The following TPD52L2 variants were observed in gnomAD, a reference collection of about 807,000 sequenced individuals.
The protein encoded by TPD52L2 is TPD52 like 2.
TPD52L2 carries 19 observed loss-of-function variants against 24.7 expected under a neutral mutation model. The ratio of observed to expected loss-of-function variants is 0.77; its 90% CI spans 0.54 to 1.13. The LOEUF (loss-of-function observed/expected upper bound fraction) is 1.13, where lower values mean the gene tolerates loss of function less well. TPD52L2 is among the 50% of genes most tolerant of loss of function. The probability of loss-of-function intolerance (pLI) is 0.00; values close to 1 mark genes in which losing one functional copy is unlikely to be tolerated. For missense variants in TPD52L2, 236 were observed against 250.4 expected (o/e 0.94, Z 0.39); for synonymous variants, 104 against 100.2 (o/e 1.04, Z -0.23).
chr20:63,877,201 A>T lies in TPD52L2; in HGVS notation c.374+1326A>T. ...CCACCACGCCCGGCTAATTTTTTCT[A>T]TTTTTAGTAGAGACAGGATTTCACC... On this transcript the variant is annotated intron_variant, in intron 4 of 6. Transcript: ENST00000346249. This position sits in a 1 kb window ranked among gnomAD's most constrained non-coding sequence, Gnocchi z 4.1. 1 of 344,982 alleles carries T rather than the reference A, an allele frequency of 2.9e-6. No individual in the cohort carries two copies. The highest frequency in any genetic ancestry group is 5.7e-6 in the Non-Finnish European group (1 of 176,776). The allele number at this position is 344,982 out of a possible 1,614,324, so 21.4% of individuals were successfully genotyped here. A position where few individuals can be genotyped will look rare whatever the true frequency, so the allele number is the denominator to read the frequency against.
chr20:63,873,712 G>A lies in TPD52L2; in HGVS notation c.210G>A (p.Lys70=), dbSNP rs1298525250. ...IVTLRQVLAA[K]ERHCGELKRR... is the part of the protein sequence containing the mutation. ...CTCTGCGCCAGGTCCTGGCAGCCAA[G>A]GAGAGGCACTGTGGAGAGCTCAAGA... The change falls in exon 3 of 7, where the codon AAG becomes AAA. Residue 70 remains lysine (K), a synonymous_variant. Coordinates refer to ENST00000346249, the MANE Select transcript of TPD52L2 (RefSeq NM_003288.4). 6.2e-7 allele frequency: 1 copy of A among 1,609,496 alleles called. No homozygotes were observed. Among genetic ancestry groups the A allele is most frequent in the East Asian group, 2.2e-5 (1 of 44,740 alleles).
intron 1 of TPD52L2, 95 bp from the exon 2 acceptor site, chr20:63,869,201 C>CTCCCACCTGTGCTTTTG: frequency 6.9e-7 from 1 of 1,455,988 alleles, no homozygotes. Flanking sequence ...GTCTCACCCA[C>CTCCCACCTGTGCTTTTG]TCCCACCTGT....
At chr20:63,876,812 C>T (rs1180659475) in intron 4 of TPD52L2, 18 of 453,874 alleles carry the variant, frequency 4.0e-5, no homozygotes, top group Admixed American at 9.5e-5. Context: ...CATGTTGCCC[C>T]GGGTATTCCA....
At chr20:63,887,902 G>A (rs1568963148) in intron 5 of TPD52L2, 3 of 500,988 alleles carry the variant, frequency 6.0e-6, no homozygotes, top group South Asian at 4.4e-5. Flanking sequence ...GGTGGGGTTC[G>A]AGGGGCTCGC....
chr20:63,869,520 C>A, intron 2 of TPD52L2, 79 bp downstream of exon 2: 1 of 1,573,488 alleles, frequency 6.4e-7, no homozygotes, highest in Admixed American at 1.7e-5. Flanking sequence ...AGGGTACTGG[C>A]CACGCTCGGG....
intron 3 of TPD52L2, among the ~76,000 whole-genome samples, chr20:63,874,061 A>AT (rs1361500327): frequency 2.0e-5 from 3 of 151,448 alleles, no homozygotes; most frequent in South Asian, 2.1e-4. Context: ...CTTTATTATT[A>AT]TTTTTTTTGA....
Position 63,876,329 on chromosome 20 carries a change from T to C in TPD52L2, c.374+454T>C, listed in dbSNP as rs534473719. On this transcript the variant is annotated intron_variant, in intron 4 of 6. Transcript: ENST00000346249. ...TCCTTTCCTCCTTTAGGGGTAGTTC[T>C]TGAGTGGAGGGCATGGTGTAGGATA... Among the ~76,000 whole-genome samples the C allele has an allele frequency of 2.6e-5, 4 of 152,326 alleles. No homozygotes were observed. The East Asian group carries it at 7.7e-4, about 29-fold the overall frequency.
intron 6 of TPD52L2, 115 bp downstream of exon 6, chr20:63,889,353 CAG>C (rs1359462240): frequency 3.1e-6 from 3 of 961,286 alleles, no homozygotes; most frequent in South Asian, 2.7e-5. Context: ...GGAAGTAATG[CAG>C]AGAGGTTCCT....
intron 3 of TPD52L2, among the ~76,000 whole-genome samples, chr20:63,874,835 T>C (rs1442808072): frequency 6.6e-6 from 1 of 152,164 alleles, no homozygotes; most frequent in Non-Finnish European, 1.5e-5. Context: ...GGTCACAGCC[T>C]CTGACCCAGA....
Position 63,873,759 on chromosome 20 carries a change from TG to T in TPD52L2, c.262del (p.Glu88SerfsTer2). On this transcript the variant is annotated frameshift_variant, in exon 3 of 7. Coordinates refer to ENST00000346249, the MANE Select transcript of TPD52L2 (RefSeq NM_003288.4). LOFTEE classifies it high-confidence loss of function. ...AAGAGGAGGCTGGGCCTCTCCACCC[TG>T]GGGGAGCTGAAACAGAACCTGTCCA... ...ELKRRLGLST[L>X]GELKQNLSRS... The T allele has an allele frequency of 6.2e-7, 1 of 1,601,040 alleles. No homozygotes were observed. The highest frequency in any genetic ancestry group is 8.5e-7 in the Non-Finnish European group (1 of 1,174,858).
chr20:63,867,886 C>T (rs1179075067), intron 1 of TPD52L2, among the ~76,000 whole-genome samples: 2 of 151,338 alleles, frequency 1.3e-5, no homozygotes, highest in African/African-American at 4.9e-5. Flanking sequence ...GATCCGCCCG[C>T]CTCAGCCTCC....
chr20:63,877,015 GT>G lies in TPD52L2; in HGVS notation c.374+1148del. The G allele has an allele frequency of 4.5e-6, 2 of 444,978 alleles. No individual in the cohort carries two copies. Among genetic ancestry groups the G allele is most frequent in the Non-Finnish European group, 8.9e-6 (2 of 224,114 alleles). 27.6% of individuals were successfully genotyped at this position (444,978 alleles called of 1,614,324 possible). A position where few individuals can be genotyped will look rare whatever the true frequency, so the allele number is the denominator to read the frequency against. The stretch of plus-strand genomic sequence containing the variant: ...GGTGGTTCATGGCATGTTGCCCTGG[GT>G]TTTTTTTGTTTGTTTGGTTTTTTTT... On this transcript the variant is annotated intron_variant, in intron 4 of 6. Coordinates refer to ENST00000346249, the MANE Select transcript of TPD52L2 (RefSeq NM_003288.4). This position sits in a 1 kb window ranked among gnomAD's most constrained non-coding sequence, Gnocchi z 4.1.
intron 1 of TPD52L2, among the ~76,000 whole-genome samples, chr20:63,866,391 C>T (rs2052235107): frequency 6.6e-6 from 1 of 152,102 alleles, no homozygotes; most frequent in Non-Finnish European, 1.5e-5. Flanking sequence ...GCGTGAGCCA[C>T]TGTGCCCGGC....
chr20:63,886,408 T>G (rs538464428), intron 5 of TPD52L2, among the ~76,000 whole-genome samples: 138 of 151,918 alleles, frequency 9.1e-4, no homozygotes, highest in African/African-American at 2.9e-3. Flanking sequence ...TCGCCCAGGT[T>G]GGAGTGCCGT....
chr20:63,886,237 C>G (rs370449706), intron 5 of TPD52L2, among the ~76,000 whole-genome samples: 2 of 152,066 alleles, frequency 1.3e-5, no homozygotes, highest in African/African-American at 4.8e-5. Flanking sequence ...GACGCAGAGG[C>G]CCCCCGGAAC....
intron 4 of TPD52L2, among the ~76,000 whole-genome samples, chr20:63,881,539 G>A (rs2052898897): frequency 6.6e-6 from 1 of 152,178 alleles, no homozygotes; most frequent in Admixed American, 6.5e-5. Context: ...GCAGGGAGTG[G>A]TGGGAGGGCC....
At chr20:63,888,933 A>T in intron 5 of TPD52L2, 1 of 565,704 alleles carries the variant, frequency 1.8e-6, no homozygotes. Flanking sequence ...ACATCTCCCC[A>T]GCTGCACAGT....
intron 5 of TPD52L2, chr20:63,887,778 A>G: frequency 1.5e-6 from 1 of 662,520 alleles, no homozygotes; most frequent in Non-Finnish European, 2.6e-6. Context: ...TAGGCTGACG[A>G]GGAAGAGCTG....
intron 5 of TPD52L2, chr20:63,886,141 A>C: frequency 8.2e-7 from 1 of 1,222,926 alleles, no homozygotes; most frequent in Non-Finnish European, 1.2e-6. Context: ...AGTAGAGGGC[A>C]GTGAAAGTGG....
Sources: gnomAD v4.1 joint callset for allele counts (sites outside exome capture counted in the v4.1 genomes callset) on GRCh38, gnomAD v4.1.1 for gene constraint, Gnocchi (gnomAD v3.1) non-coding constraint, MANE v1.5 for transcripts, NCBI Gene and HGNC (gene_info 2026-07-23, HGNC 2026-07-21) for gene names.